Variants in AKAP9 observed in about 807,000 individuals in gnomAD.
The protein encoded by AKAP9 is A-kinase anchoring protein 9, also known as A-kinase anchor protein 9.
A neutral mutation model predicts 488.5 loss-of-function variants in AKAP9; 311 were observed. The ratio of observed to expected loss-of-function variants is 0.64; its 90% CI spans 0.58 to 0.70. AKAP9 has a LOEUF of 0.70. Among genes scored for constraint, AKAP9 ranks in the 30% least tolerant of loss-of-function variants. The pLI is 0.00. For synonymous variants in AKAP9, 1,462 were observed against 1,483.5 expected, an observed-to-expected ratio of 0.99 and a Z score of 0.33; for missense variants, 4,215 against 4,374.5, an observed-to-expected ratio of 0.96 and a Z score of 1.03.
At chr7:91,947,175 CGTGTGT>C (rs10575647) in intron 1 of AKAP9, among the ~76,000 whole-genome samples, 2 of 147,650 alleles carry the variant, frequency 1.4e-5, no homozygotes, top group African/African-American at 2.5e-5. Flanking sequence ...TGTGTGTGTG[CGTGTGT>C]GTGTGTGTGT....
chr7:92,110,381 T>G lies in AKAP9; in HGVS notation c.*222T>G. On this transcript the variant is annotated 3_prime_UTR_variant, in exon 50 of 50. Transcript: ENST00000356239. The stretch of plus-strand genomic sequence containing the variant: ...CAATAATTATTGAATTACCTGTATA[T>G]TTGTGGAATGCTAATTTAAAACATT... 1.8e-6 allele frequency: 1 copy of G among 544,442 alleles called. No homozygotes were observed. The highest frequency in any genetic ancestry group is 3.3e-6 in the Non-Finnish European group (1 of 305,744). The allele number at this position is 544,442 out of a possible 1,614,324, so 33.7% of individuals were successfully genotyped here.
chr7:91,988,297 CAAAAAAAAAA>C (rs5885797), intron 3 of AKAP9, among the ~76,000 whole-genome samples: 4 of 53,656 alleles, frequency 7.5e-5, no homozygotes, highest in Admixed American at 2.3e-4. Flanking sequence ...GACCCCCTCT[CAAAAAAAAAA>C]AAAAAAAAAA....
At chr7:91,975,676 T>A (rs1251605185) in intron 2 of AKAP9, among the ~76,000 whole-genome samples, 1 of 152,180 alleles carries the variant, frequency 6.6e-6, no homozygotes, top group East Asian at 1.9e-4. Context: ...AAAGAAGTGT[T>A]GAAAGCAGAC....
At chr7:92,106,271 G>C (rs1818493967) in intron 47 of AKAP9, among the ~76,000 whole-genome samples, 1 of 152,194 alleles carries the variant, frequency 6.6e-6, no homozygotes, top group South Asian at 2.1e-4. Context: ...AATAATAACT[G>C]ATTTTCATGG....
In AKAP9 at chr7:91,940,925, G is replaced by A; in HGVS notation, c.-175G>A. The A allele has an allele frequency of 2.8e-6, 2 of 721,602 alleles. No homozygotes were observed. The highest frequency in any genetic ancestry group is 5.1e-5 in the East Asian group (2 of 39,230). 44.7% of individuals were successfully genotyped at this position (721,602 alleles called of 1,614,324 possible). On this transcript the variant is annotated 5_prime_UTR_variant, in exon 1 of 50. Transcript: ENST00000356239. Reference sequence around the variant, plus strand: ...GTGACGGCGCTTCCCGTGCGGCTGAGGACGATCCGCCAGTGAGCGCGGAGA... The same window carrying A: ...GTGACGGCGCTTCCCGTGCGGCTGAAGACGATCCGCCAGTGAGCGCGGAGA...
Position 92,108,545 on chromosome 7 carries a change from G to C in AKAP9, c.11598G>C (p.Gln3866His), listed in dbSNP as rs1186137909. Residue 3866 changes from glutamine to histidine, a missense_variant, in exon 49 of 50, where the codon CAG becomes CAC. Physicochemically the swap from Gln to His is conservative, Grantham distance 24. Transcript: ENST00000356239. ...DFNPGSLACS[Q>H]LQNYDPDRAL... is the part of the protein sequence containing the mutation. ...ATCCTGGTTCTTTAGCATGTTCTCA[G>C]CTTCAGAATTACGATCCTGACAGAG... The C allele has an allele frequency of 6.2e-7, 1 of 1,613,994 alleles. No individual in the cohort carries two copies. Among genetic ancestry groups the C allele is most frequent in the Non-Finnish European group, 8.5e-7 (1 of 1,180,016 alleles).
At chr7:91,987,484 A>G (rs1797249267) in intron 3 of AKAP9, among the ~76,000 whole-genome samples, 1 of 152,214 alleles carries the variant, frequency 6.6e-6, no homozygotes, top group South Asian at 2.1e-4. Context: ...CCTGGTTTGA[A>G]TTATAACCCT....
chr7:92,040,610 C>G, intron 17 of AKAP9, 64 bp from the exon 18 acceptor site: 1 of 1,176,780 alleles, frequency 8.5e-7, no homozygotes, highest in South Asian at 1.4e-5. Flanking sequence ...AATATTAATG[C>G]TGACAGATTT....
At chr7:92,094,967 C>A (rs1192118186) in intron 39 of AKAP9, 56 bp from the exon 40 acceptor site, 4 of 1,549,566 alleles carry the variant, frequency 2.6e-6, no homozygotes, top group South Asian at 1.1e-5. Flanking sequence ...TTCTCTCTCT[C>A]ATTATATGCT....
In AKAP9 at chr7:91,963,482, TCACACACACA is replaced by T. The variant is rs56800758; in HGVS notation, c.49-10192_49-10183del. On this transcript the variant is annotated intron_variant, in intron 1 of 49. Coordinates refer to ENST00000356239, the MANE Select transcript of AKAP9 (RefSeq NM_005751.5). ...TGTTATTCTGTAGATAACATATTTG[TCACACACACA>T]CACACACACACACACACACACACAC... 3.2e-3 allele frequency among the ~76,000 whole-genome samples: 439 copies of T among 139,314 alleles called. 3 individuals are homozygous for T. The highest frequency in any genetic ancestry group is 8.2e-3 in the African/African-American group (313 of 38,358). 91.4% of individuals were successfully genotyped at this position (139,314 alleles called of 152,430 possible).
chr7:92,062,958 A>G (rs1810144509), intron 24 of AKAP9, among the ~76,000 whole-genome samples: 1 of 152,162 alleles, frequency 6.6e-6, no homozygotes, highest in Non-Finnish European at 1.5e-5. Flanking sequence ...AGTTTAATGT[A>G]GTAGGAATTC....
chr7:92,003,139 C>T lies in AKAP9; in HGVS notation c.3222C>T (p.His1074=), dbSNP rs1799373028. The change falls in exon 8 of 50, where the codon CAC becomes CAT. Residue 1074 remains histidine, a synonymous_variant. Transcript: ENST00000356239. ...ESKQEQLILD[H]LPSVTKESSL... ...AGCAAGAACAGTTGATTTTGGATCA[C>T]TTACCATCTGTAACAAAGGAATCAT... 6.2e-7 allele frequency: 1 copy of T among 1,611,274 alleles called. No individual in the cohort carries two copies. Among genetic ancestry groups the T allele is most frequent in the Non-Finnish European group, 8.5e-7 (1 of 1,178,626 alleles).
intron 22 of AKAP9, among the ~76,000 whole-genome samples, chr7:92,059,111 C>A (rs1196454294): frequency 6.6e-6 from 1 of 151,776 alleles, no homozygotes; most frequent in African/African-American, 2.4e-5. Context: ...ATTTAACAAG[C>A]CAGATGGTTT....
At chr7:92,034,173 A>C (rs932553976) in intron 16 of AKAP9, among the ~76,000 whole-genome samples, 3 of 152,194 alleles carry the variant, frequency 2.0e-5, no homozygotes, top group African/African-American at 7.2e-5. Flanking sequence ...TGAAAGGGAA[A>C]GTCAAGAGAG....
intron 10 of AKAP9, 32 bp downstream of exon 10, chr7:92,014,360 A>AT (rs762004990): frequency 6.8e-7 from 1 of 1,462,608 alleles, no homozygotes; most frequent in South Asian, 1.2e-5. Context: ...TTATGGCCAG[A>AT]TGTGGTGGCT....
chr7:92,066,305 C>A, intron 25 of AKAP9, 122 bp from the exon 26 acceptor site: 1 of 1,250,776 alleles, frequency 8.0e-7, no homozygotes, highest in South Asian at 1.3e-5. Context: ...TTGGGATGTT[C>A]CATGATCATC....
In AKAP9 at chr7:92,091,585, C is replaced by CAAAAAA. The variant is rs796606265; in HGVS notation, c.9359-1505_9359-1500dup. Among the ~76,000 whole-genome samples the CAAAAAA allele has an allele frequency of 1.7e-3, 37 of 22,026 alleles. 1 individual carries two copies. Among genetic ancestry groups the CAAAAAA allele is most frequent in the African/African-American group, 2.3e-3 (19 of 8,088 alleles). 14.4% of individuals were successfully genotyped at this position (22,026 alleles called of 152,430 possible). ...TGGACGACAGGGCAAGACTCTGTCT[C>CAAAAAA]AAAAAAAAAAAACAAAAAAAAAAAA... On this transcript the variant is annotated intron_variant, in intron 38 of 49. Coordinates refer to ENST00000356239, the MANE Select transcript of AKAP9 (RefSeq NM_005751.5).
intron 21 of AKAP9, among the ~76,000 whole-genome samples, 181 bp downstream of exon 21, chr7:92,045,394 G>T (rs1169973225): frequency 6.6e-6 from 1 of 152,026 alleles, no homozygotes; most frequent in Non-Finnish European, 1.5e-5. Context: ...TTTGCAAGTG[G>T]GTATCATAGA....
chr7:92,009,010 C>T (rs1320319547), intron 8 of AKAP9, among the ~76,000 whole-genome samples: 4 of 149,384 alleles, frequency 2.7e-5, no homozygotes, highest in Non-Finnish European at 4.5e-5. Flanking sequence ...AGAAAATGAT[C>T]GGGAAAAAAA....
Sources: gnomAD v4.1 joint callset for allele counts (sites outside exome capture counted in the v4.1 genomes callset) on GRCh38, gnomAD v4.1.1 for gene constraint, MANE v1.5 for transcripts, NCBI Gene and HGNC (gene_info 2026-07-23, HGNC 2026-07-21) for gene names.